ULK4: variants seen among roughly 807,000 people sequenced by gnomAD.
ULK4 encodes the protein unc-51 like kinase 4.
Under a neutral mutation model 160.6 loss-of-function variants are expected in ULK4, and 133 were observed. That is an observed-to-expected ratio of 0.83 (90% CI 0.72 to 0.96). The LOEUF (loss-of-function observed/expected upper bound fraction) is 0.96, where lower values mean the gene tolerates loss of function less well. ULK4 is among the 40% of genes least tolerant of loss of function. The pLI, the probability that ULK4 is intolerant of heterozygous loss-of-function variation, is 0.00. For missense variants in ULK4, 1,580 were observed against 1,499.5 expected (o/e 1.05, Z -0.89); for synonymous variants, 534 against 539.8 (o/e 0.99, Z 0.15).
chr3:41,443,432 A>G (rs2083218029), intron 34 of ULK4, among the ~76,000 whole-genome samples: 1 of 152,256 alleles, frequency 6.6e-6, no homozygotes, highest in Non-Finnish European at 1.5e-5. Flanking sequence ...CATAAAATAA[A>G]TAATGGATGC....
At chr3:41,813,868 A>T (rs573592441) in intron 19 of ULK4, among the ~76,000 whole-genome samples, 3 of 152,334 alleles carry the variant, frequency 2.0e-5, no homozygotes, top group African/African-American at 7.2e-5. Flanking sequence ...CTATGAATCT[A>T]ATACTTCAAA....
chr3:41,565,236 A>T (rs568310966), intron 32 of ULK4, among the ~76,000 whole-genome samples: 1 of 152,364 alleles, frequency 6.6e-6, no homozygotes, highest in East Asian at 1.9e-4. Context: ...GCATGACTGT[A>T]CATGATTTTT....
chr3:41,588,925 A>G (rs966083547), intron 31 of ULK4, among the ~76,000 whole-genome samples: 9 of 152,214 alleles, frequency 5.9e-5, no homozygotes, highest in Non-Finnish European at 1.2e-4. Flanking sequence ...CTCATTGAGC[A>G]GTATGTGTCC....
At chr3:41,638,514 G>GT (rs1391331484) in intron 30 of ULK4, among the ~76,000 whole-genome samples, 4 of 151,986 alleles carry the variant, frequency 2.6e-5, no homozygotes, top group African/African-American at 4.8e-5. Flanking sequence ...CACCGCCTGG[G>GT]TTTTTTTTCC....
intron 30 of ULK4, among the ~76,000 whole-genome samples, chr3:41,661,997 A>AT (rs1477916324): frequency 1.3e-5 from 2 of 152,226 alleles, no homozygotes; most frequent in African/African-American, 2.4e-5. Context: ...CCAAAGTTAC[A>AT]TTTAAAAAAG....
chr3:41,642,810 T>G (rs2034284677), intron 30 of ULK4, among the ~76,000 whole-genome samples: 1 of 152,344 alleles, frequency 6.6e-6, no homozygotes, highest in East Asian at 1.9e-4. Context: ...CCACCAACAG[T>G]GTAAAAGTGT....
intron 2 of ULK4, among the ~76,000 whole-genome samples, chr3:41,947,374 T>C (rs992578794): frequency 6.6e-6 from 1 of 152,112 alleles, no homozygotes; most frequent in Admixed American, 6.6e-5. Flanking sequence ...AGGAGGACTG[T>C]CAACGCGACA....
intron 34 of ULK4, among the ~76,000 whole-genome samples, chr3:41,447,053 C>T (rs1156745130): frequency 7.8e-6 from 1 of 127,908 alleles, no homozygotes; most frequent in Non-Finnish European, 1.6e-5. Flanking sequence ...CACTGCACTC[C>T]AGCCCGGGTG....
chr3:41,305,710 C>T (rs1485517075), intron 35 of ULK4, among the ~76,000 whole-genome samples: 2 of 150,948 alleles, frequency 1.3e-5, no homozygotes, highest in African/African-American at 2.5e-5. Flanking sequence ...GCCCCTCTGC[C>T]TGGCTGCCCA....
chr3:41,819,176 T>C (rs917259352), intron 19 of ULK4, among the ~76,000 whole-genome samples: 3 of 152,192 alleles, frequency 2.0e-5, no homozygotes, highest in African/African-American at 7.2e-5. Context: ...GTTAGTTACA[T>C]TGTTTATATA....
At position 41,881,284 on chromosome 3, in the gene ULK4, TAAAA is replaced by T. The variant is rs58977381; in HGVS notation, c.1656+2586_1656+2589del. ...CCACACATCCTGTAGCAGAAACTTC[TAAAA>T]AAAAAAAAAAAAAAAAAAAAAACAG... On this transcript the variant is annotated intron_variant, in intron 17 of 36. Coordinates refer to ENST00000301831, the MANE Select transcript of ULK4 (RefSeq NM_017886.4). Among the ~76,000 whole-genome samples the T allele has an allele frequency of 7.0e-4, 89 of 126,256 alleles. 2 individuals are homozygous for T. The East Asian group carries it at 0.014, about 20-fold the overall frequency. The allele number at this position is 126,256 out of a possible 152,430, so 82.8% of individuals were successfully genotyped here. A position where few individuals can be genotyped will look rare whatever the true frequency, so the allele number is the denominator to read the frequency against.
intron 2 of ULK4, among the ~76,000 whole-genome samples, chr3:41,941,036 C>CT (rs564613112): frequency 0.034 from 4,846 of 141,478 alleles, 183 homozygotes; most frequent in African/African-American, 0.092. Context: ...TGTTCTTAAC[C>CT]TTTTTTTTTT....
intron 2 of ULK4, among the ~76,000 whole-genome samples, chr3:41,951,519 T>C (rs73071242): frequency 0.13 from 19,036 of 151,894 alleles, 1,374 homozygotes; most frequent in Middle Eastern, 0.27. Context: ...CAGTATAGAA[T>C]AAGGAGCCCA....
rs116255914 is a variant in ULK4, at chr3:41,454,662, G to C, written c.3492+835C>G. Among the ~76,000 whole-genome samples the C allele has an allele frequency of 9.7e-3, 1,477 of 152,040 alleles. 29 individuals are homozygous for C. Among genetic ancestry groups the C allele is most frequent in the African/African-American group, 0.033 (1,372 of 41,482 alleles). ...TTTTAAAAGACTGGGACGTTTTGTA[G>C]ACAGTGAAATTATATGTTTAAAACA... On this transcript the variant is annotated intron_variant, in intron 34 of 36. Transcript: ENST00000301831.
At chr3:41,421,712 C>T (rs1237946072) in intron 34 of ULK4, among the ~76,000 whole-genome samples, 1 of 152,000 alleles carries the variant, frequency 6.6e-6, no homozygotes, top group Non-Finnish European at 1.5e-5. Context: ...TGAAAGTTTT[C>T]TTCAATTGTT....
chr3:41,773,372 G>A (rs1362235747), intron 21 of ULK4, among the ~76,000 whole-genome samples: 1 of 152,184 alleles, frequency 6.6e-6, no homozygotes, highest in Admixed American at 6.5e-5. Context: ...CTTCAGCAAA[G>A]TCTCAGGATA....
intron 32 of ULK4, among the ~76,000 whole-genome samples, chr3:41,473,105 G>A (rs1276458427): frequency 6.6e-6 from 1 of 151,980 alleles, no homozygotes; most frequent in African/African-American, 2.4e-5. Context: ...ACATAATAAA[G>A]GACATAGATG....
intron 4 of ULK4, among the ~76,000 whole-genome samples, chr3:41,933,290 A>C (rs1189774328): frequency 6.6e-6 from 1 of 152,204 alleles, no homozygotes; most frequent in East Asian, 1.9e-4. Flanking sequence ...CCAGAGGACC[A>C]CTGGCAGGGA....
chr3:41,634,130 G>T (rs2033859235), intron 30 of ULK4, among the ~76,000 whole-genome samples: 2 of 152,166 alleles, frequency 1.3e-5, no homozygotes, highest in Admixed American at 6.5e-5. Flanking sequence ...GCCTTTCATG[G>T]GATCCTTCTT....
Sources: allele counts gnomAD v4.1 joint callset (sites outside exome capture counted in the v4.1 genomes callset), GRCh38; gene constraint gnomAD v4.1.1; transcripts MANE v1.5; gene names NCBI Gene and HGNC (gene_info 2026-07-23, HGNC 2026-07-21).